HAO1: variants seen among roughly 807,000 people sequenced by gnomAD.
The protein encoded by HAO1 is 2-Hydroxyacid oxidase 1.
In HAO1, 34 loss-of-function variants were observed where a neutral mutation model predicts 39.7. The ratio of observed to expected loss-of-function variants is 0.86; its 90% CI spans 0.65 to 1.14. The LOEUF is 1.14. Ranked by LOEUF, HAO1 falls within the 50% of genes most tolerant of loss-of-function variation. The pLI is 0.00. For missense variants in HAO1, 479 were observed against 464.5 expected, an observed-to-expected ratio of 1.03 and a Z score of -0.29; for synonymous variants, 172 against 173.2, an observed-to-expected ratio of 0.99 and a Z score of 0.05.
chr20:7,905,857 CT>C (rs2050245288), intron 4 of HAO1, among the ~76,000 whole-genome samples: 4 of 152,202 alleles, frequency 2.6e-5, no homozygotes, highest in Admixed American at 2.6e-4. Context: ...TCATGACGTT[CT>C]ACCAAGATCT....
At chr20:7,912,268 C>T (rs2050283798) in intron 3 of HAO1, among the ~76,000 whole-genome samples, 2 of 152,162 alleles carry the variant, frequency 1.3e-5, no homozygotes, top group African/African-American at 4.8e-5. Flanking sequence ...TCCTGCCACT[C>T]ACTGAGTAGC....
intron 5 of HAO1, among the ~76,000 whole-genome samples, chr20:7,890,494 A>G (rs1002839450): frequency 1.6e-4 from 24 of 152,144 alleles, no homozygotes; most frequent in Admixed American, 1.4e-3. Flanking sequence ...GATTATAGGC[A>G]TGAGCCACTG....
intron 1 of HAO1, among the ~76,000 whole-genome samples, chr20:7,935,990 A>G (rs1418799147): frequency 6.6e-6 from 1 of 152,184 alleles, no homozygotes; most frequent in Non-Finnish European, 1.5e-5. Context: ...ATGATATAGT[A>G]ATGCAGTAAC....
intron 4 of HAO1, among the ~76,000 whole-genome samples, chr20:7,903,339 C>T (rs569814320): frequency 2.7e-5 from 4 of 146,766 alleles, no homozygotes; most frequent in Non-Finnish European, 6.0e-5. Context: ...TTATAGTTTT[C>T]ATCAAGAAGT....
chr20:7,931,283 C>G (rs181020235), intron 2 of HAO1, among the ~76,000 whole-genome samples: 229 of 152,228 alleles, frequency 1.5e-3, no homozygotes, highest in Non-Finnish European at 2.7e-3. Context: ...TGTAACTTAT[C>G]TTCCTGAGGG....
intron 1 of HAO1, among the ~76,000 whole-genome samples, chr20:7,936,669 G>A (rs1179697634): frequency 1.3e-5 from 2 of 152,000 alleles, no homozygotes; most frequent in Non-Finnish European, 2.9e-5. Flanking sequence ...CCACTTGGTG[G>A]CGCAGTCACT....
chr20:7,928,854 G>T (rs1303781657), intron 2 of HAO1, among the ~76,000 whole-genome samples: 1 of 152,140 alleles, frequency 6.6e-6, no homozygotes, highest in Admixed American at 6.5e-5. Context: ...GTGTTTTAGG[G>T]AATTTTGATT....
chr20:7,909,431 G>A (rs921273605), intron 3 of HAO1, among the ~76,000 whole-genome samples: 2 of 136,072 alleles, frequency 1.5e-5, no homozygotes, highest in African/African-American at 2.9e-5. Flanking sequence ...GATAACCAAA[G>A]TATTCCATTT....
intron 2 of HAO1, among the ~76,000 whole-genome samples, chr20:7,921,642 G>C (rs1406763012): frequency 6.6e-6 from 1 of 152,086 alleles, no homozygotes; most frequent in African/African-American, 2.4e-5. Context: ...CTACCAAAGA[G>C]ACACGTGCAC....
Position 7,889,766 on chromosome 20 carries a change from A to G in HAO1, c.814-3902T>C, listed in dbSNP as rs16994117. 3.5e-3 allele frequency among the ~76,000 whole-genome samples: 529 copies of G among 152,304 alleles called. 7 individuals carry two copies. Among genetic ancestry groups the G allele is most frequent in the African/African-American group, 0.012 (507 of 41,564 alleles). ...ATTACTTGTGCACCAACCTAATAGA[A>G]GTGTATAATTCATATTGTTGTCCAC... is the stretch of plus-strand genomic sequence containing the variant. On this transcript the variant is annotated intron_variant, in intron 5 of 7. Transcript: ENST00000378789.
intron 6 of HAO1, 31 bp from the exon 7 acceptor site, chr20:7,885,621 A>C: frequency 1.3e-6 from 2 of 1,570,812 alleles, no homozygotes; most frequent in Non-Finnish European, 1.8e-6. Flanking sequence ...AGAGTGATTC[A>C]GAACTAAATC....
rs1199419618 is a variant in HAO1 at position 7,939,252 on chromosome 20, G to C, written c.137+1034C>G. 2.0e-5 allele frequency among the ~76,000 whole-genome samples: 3 copies of C among 152,164 alleles called. No homozygotes were observed. The East Asian group carries it at 5.8e-4, about 29-fold the overall frequency. On this transcript the variant is annotated intron_variant, in intron 1 of 7. Transcript: ENST00000378789. ...CTGAGACAAAGTCAAGGCTTGAAAG[G>C]GTTGGGGAGAGGCCGTATCCTTCAC...
intron 5 of HAO1, among the ~76,000 whole-genome samples, chr20:7,888,715 A>G (rs919991370): frequency 2.6e-5 from 4 of 152,020 alleles, no homozygotes; most frequent in Non-Finnish European, 5.9e-5. Flanking sequence ...CTTTATCTTC[A>G]TTTCCTTGCA....
At chr20:7,927,392 A>T (rs1262308287) in intron 2 of HAO1, among the ~76,000 whole-genome samples, 1 of 152,204 alleles carries the variant, frequency 6.6e-6, no homozygotes, top group Non-Finnish European at 1.5e-5. Flanking sequence ...AAAAATAAAT[A>T]AAAATGATCT....
chr20:7,933,666 A>T (rs1008777507), intron 2 of HAO1, among the ~76,000 whole-genome samples: 1 of 152,240 alleles, frequency 6.6e-6, no homozygotes, highest in African/African-American at 2.4e-5. Flanking sequence ...AAAATGTTTT[A>T]AAATATTATA....
intron 5 of HAO1, among the ~76,000 whole-genome samples, chr20:7,887,932 A>T (rs1475049748): frequency 6.6e-6 from 1 of 152,126 alleles, no homozygotes; most frequent in Non-Finnish European, 1.5e-5. Flanking sequence ...CTAGGTGTAT[A>T]TTACACAAAA....
intron 2 of HAO1, among the ~76,000 whole-genome samples, chr20:7,931,269 A>G (rs1479623002): frequency 6.6e-6 from 1 of 152,024 alleles, no homozygotes; most frequent in Non-Finnish European, 1.5e-5. Flanking sequence ...CCAAATGTCT[A>G]TTGTGTAACT....
At position 7,934,599 on chromosome 20, in the gene HAO1, A is replaced by T; in HGVS notation, c.174T>A (p.Ala58=). The change falls in exon 2 of 8, where the codon GCT becomes GCA. Residue 58 remains alanine (A), a synonymous_variant. Transcript: ENST00000378789. The stretch of plus-strand genomic sequence containing the variant: ...AAACAGAAGTCGACAGATCTGTTTC[A>T]GCAACATTCCGGAGCATCCTTGGAT... ...KLYPRMLRNV[A]ETDLSTSVLG... is the part of the protein sequence containing the mutation. 3 of 1,611,670 alleles carry T rather than the reference A, an allele frequency of 1.9e-6. No homozygotes were observed. The highest frequency in any genetic ancestry group is 2.5e-6 in the Non-Finnish European group (3 of 1,178,032).
chr20:7,895,092 G>A (rs1568510175), intron 5 of HAO1, 41 bp downstream of exon 5: 1 of 1,207,014 alleles, frequency 8.3e-7, no homozygotes, highest in Non-Finnish European at 1.2e-6. Flanking sequence ...TGATGGAAAT[G>A]GGAACTCCAA....
Sources: allele counts gnomAD v4.1 joint callset (sites outside exome capture counted in the v4.1 genomes callset), GRCh38; gene constraint gnomAD v4.1.1; transcripts MANE v1.5; gene names NCBI Gene and HGNC (gene_info 2026-07-23, HGNC 2026-07-21).